Variants in QKI observed in about 807,000 individuals in gnomAD.
QKI encodes QKI, KH domain containing RNA binding.
A neutral mutation model predicts 39.0 loss-of-function variants in QKI; 10 were observed. The ratio of observed to expected loss-of-function variants is 0.26; its 90% CI spans 0.16 to 0.43. QKI has a LOEUF of 0.43. Ranked by LOEUF, QKI falls within the 20% of genes least tolerant of loss-of-function variation. The pLI is 1.00. For synonymous variants in QKI, 204 were observed against 155.4 expected (o/e 1.31, Z -2.33); for missense variants, 218 against 428.0 (o/e 0.51, Z 4.33).
chr6:163,564,762 AT>A, intron 6 of QKI: 2 of 1,612,860 alleles, frequency 1.2e-6, no homozygotes, highest in Non-Finnish European at 1.7e-6. Flanking sequence ...CGACCAGTCA[AT>A]GTGGAACAAA....
chr6:163,542,110 T>C (rs1781558765), intron 4 of QKI, among the ~76,000 whole-genome samples: 1 of 151,962 alleles, frequency 6.6e-6, no homozygotes, highest in Admixed American at 6.6e-5. Flanking sequence ...ATATAGGTTT[T>C]TATTTACAAG....
intron 4 of QKI, among the ~76,000 whole-genome samples, chr6:163,536,521 A>G (rs548893157): frequency 6.6e-5 from 10 of 152,332 alleles, no homozygotes; most frequent in Admixed American, 2.0e-4. Flanking sequence ...TCTTTGATGC[A>G]GTCTGTGTCC....
chr6:163,500,557 C>T (rs1778696620), intron 3 of QKI, among the ~76,000 whole-genome samples: 1 of 152,050 alleles, frequency 6.6e-6, no homozygotes, highest in South Asian at 2.1e-4. Context: ...TTTATATTTC[C>T]AATTTCCTCA....
intron 4 of QKI, among the ~76,000 whole-genome samples, chr6:163,537,909 T>G (rs1260862173): frequency 2.0e-5 from 3 of 152,212 alleles, no homozygotes; most frequent in African/African-American, 7.2e-5. Context: ...GCCTTCTTAC[T>G]CTGAGAAAAG....
At chr6:163,483,197 T>C (rs755182064) in intron 3 of QKI, among the ~76,000 whole-genome samples, 54 of 152,242 alleles carry the variant, frequency 3.5e-4, no homozygotes, top group Non-Finnish European at 3.1e-4. Flanking sequence ...AAAAATACTT[T>C]ATTGCTGAAA....
In QKI at chr6:163,571,401, A is replaced by T. The variant is rs1783691204; in HGVS notation, c.*691A>T. On this transcript the variant is annotated 3_prime_UTR_variant, in exon 8 of 8. Coordinates refer to ENST00000361752, the MANE Select transcript of QKI (RefSeq NM_006775.3). ...ACTGCAACACTATTTTTAAAAAGAT[A>T]AATATCTGAGTTAAAATTACTGAAT... 1 of 152,226 alleles carries T rather than the reference A, an allele frequency of 6.6e-6. No individual in the cohort carries two copies. Among genetic ancestry groups the T allele is most frequent in the Admixed American group, 6.5e-5 (1 of 15,282 alleles). The allele number at this position is 152,226 out of a possible 1,614,324, so 9.4% of individuals were successfully genotyped here.
chr6:163,502,504 A>T (rs112171071), intron 3 of QKI, among the ~76,000 whole-genome samples: 2,003 of 152,252 alleles, frequency 0.013, 44 homozygotes, highest in South Asian at 0.062. Flanking sequence ...AGCAAGTTCA[A>T]CCTGGACCAA....
intron 3 of QKI, among the ~76,000 whole-genome samples, chr6:163,506,833 C>A (rs568986884): frequency 6.6e-6 from 1 of 152,246 alleles, no homozygotes; most frequent in Admixed American, 6.5e-5. Context: ...TATTTTCATA[C>A]ATAAGTACAC....
At chr6:163,476,172 TAATA>T (rs1054515080) in intron 2 of QKI, among the ~76,000 whole-genome samples, 9 of 151,976 alleles carry the variant, frequency 5.9e-5, no homozygotes, top group East Asian at 1.9e-4. Context: ...AAAACACTGA[TAATA>T]AATATTGGAG....
At position 163,415,053 on chromosome 6, in the gene QKI, CGCGGGAGCCAGA is replaced by C. The variant is rs570868172; in HGVS notation, c.-131_-120del. On this transcript the variant is annotated 5_prime_UTR_variant, in exon 1 of 8. Transcript: ENST00000361752. ...CGGTGCCGGCCGCCCCGGGGCTCGG[CGCGGGAGCCAGA>C]GCGGGAGCCGGCGCGGAGCGGGACG... 140,660 of 880,100 alleles carry C rather than the reference CGCGGGAGCCAGA, an allele frequency of 0.16. 11,753 individuals are homozygous for C. Among genetic ancestry groups the C allele is most frequent in the Admixed American group, 0.32 (4,962 of 15,476 alleles). 54.5% of individuals were successfully genotyped at this position (880,100 alleles called of 1,614,324 possible). A position where few individuals can be genotyped will look rare whatever the true frequency, so the allele number is the denominator to read the frequency against.
rs1343699808 is a variant in QKI, at chr6:163,573,352, T to C, written c.*2642T>C. 6.6e-6 allele frequency: 1 copy of C among 152,166 alleles called. No homozygotes were observed. Among genetic ancestry groups the C allele is most frequent in the Non-Finnish European group, 1.5e-5 (1 of 68,012 alleles). The allele number at this position is 152,166 out of a possible 1,614,324, so 9.4% of individuals were successfully genotyped here. ...GGTAGATGGGAGTGTCGCTTGTATG[T>C]TATCGTACAGCTGACATGTATTTTT... On this transcript the variant is annotated 3_prime_UTR_variant, in exon 8 of 8. Coordinates refer to ENST00000361752, the MANE Select transcript of QKI (RefSeq NM_006775.3).
chr6:163,434,855 CT>C (rs753287181), intron 1 of QKI, among the ~76,000 whole-genome samples: 4 of 152,018 alleles, frequency 2.6e-5, no homozygotes, highest in African/African-American at 9.6e-5. Context: ...TCTTTCCTGA[CT>C]TTTTCCCCCC....
At chr6:163,567,173 C>T (rs906011552) in intron 7 of QKI, 26 of 1,008,294 alleles carry the variant, frequency 2.6e-5, no homozygotes, top group Admixed American at 2.3e-4. Context: ...ATGAATTGAA[C>T]GGATGGTGCT....
At chr6:163,454,884 A>G (rs546167472) in intron 1 of QKI, among the ~76,000 whole-genome samples, 3 of 152,308 alleles carry the variant, frequency 2.0e-5, no homozygotes, top group Admixed American at 6.5e-5. Flanking sequence ...CTGAAGTACA[A>G]AAGAGGCTTT....
At chr6:163,569,435 T>C in intron 7 of QKI, 1 of 1,276,246 alleles carries the variant, frequency 7.8e-7, no homozygotes, top group Non-Finnish European at 1.0e-6. Flanking sequence ...TCCTCTGCCT[T>C]AGTCACAATG....
chr6:163,529,300 A>G (rs1374641008), intron 3 of QKI, among the ~76,000 whole-genome samples: 1 of 152,218 alleles, frequency 6.6e-6, no homozygotes, highest in Non-Finnish European at 1.5e-5. Flanking sequence ...AAGCTGCAGC[A>G]TATTCATGCA....
chr6:163,545,171 C>T (rs1019161157), intron 4 of QKI, among the ~76,000 whole-genome samples: 13 of 151,976 alleles, frequency 8.6e-5, no homozygotes, highest in Non-Finnish European at 1.6e-4. Flanking sequence ...AAAATGATGG[C>T]GGAGAAAAGC....
At chr6:163,510,256 TAATAAG>T (rs1779366967) in intron 3 of QKI, among the ~76,000 whole-genome samples, 2 of 116,620 alleles carry the variant, frequency 1.7e-5, no homozygotes, top group East Asian at 2.8e-4. Context: ...ATAATAATAA[TAATAAG>T]TAAACTAAAA....
chr6:163,463,840 C>T (rs1238157687), intron 2 of QKI, among the ~76,000 whole-genome samples: 1 of 152,186 alleles, frequency 6.6e-6, no homozygotes, highest in Non-Finnish European at 1.5e-5. Flanking sequence ...AAACTACTTT[C>T]CAAGCCTTTA....
Sources: gnomAD v4.1 joint callset for allele counts (sites outside exome capture counted in the v4.1 genomes callset) on GRCh38, gnomAD v4.1.1 for gene constraint, MANE v1.5 for transcripts, NCBI Gene and HGNC (gene_info 2026-07-23, HGNC 2026-07-21) for gene names.